The following VMP1 variants were observed in gnomAD, a reference collection of about 807,000 sequenced individuals.
The protein encoded by VMP1 is vacuole membrane protein 1, also known as ectopic P-granules autophagy protein 3 homolog.
VMP1 carries 11 observed loss-of-function variants against 56.0 expected under a neutral mutation model. The observed-to-expected ratio is 0.20, with a 90% CI of 0.12 to 0.32. The LOEUF (loss-of-function observed/expected upper bound fraction) is 0.32, where lower values mean the gene tolerates loss of function less well. VMP1 is among the 10% of genes least tolerant of loss of function. The probability of loss-of-function intolerance (pLI) is 1.00; values close to 1 mark genes in which losing one functional copy is unlikely to be tolerated. For synonymous variants in VMP1, 149 were observed against 165.0 expected (o/e 0.90, Z 0.74); for missense variants, 296 against 490.3 (o/e 0.60, Z 3.74).
At position 59,735,451 on chromosome 17, in the gene VMP1, A is replaced by G. The variant is rs1401772737; in HGVS notation, c.190A>G (p.Ile64Val). ...LQYFSLEILVILKEWTSKLWH... is the reference protein window; with the variant it reads ...LQYFSLEILVVLKEWTSKLWH... Reference sequence around the variant, plus strand: ...GTATTTTTCTCTGGAAATCCTTGTAATCTTGAAGGAATGGACCTCAAAGTA... The same window carrying G: ...GTATTTTTCTCTGGAAATCCTTGTAGTCTTGAAGGAATGGACCTCAAAGTA... Residue 64 changes from isoleucine (I) to valine (V), a missense_variant, in exon 3 of 12, where the codon ATC (isoleucine) becomes GTC (valine). Coordinates refer to ENST00000262291, the MANE Select transcript of VMP1 (RefSeq NM_030938.5). 1 of 1,613,980 alleles carries G rather than the reference A, an allele frequency of 6.2e-7. No homozygotes were observed. Among genetic ancestry groups the G allele is most frequent in the Non-Finnish European group, 8.5e-7 (1 of 1,179,990 alleles).
At chr17:59,788,214 C>T (rs747576122) in intron 7 of VMP1, among the ~76,000 whole-genome samples, 2 of 152,078 alleles carry the variant, frequency 1.3e-5, no homozygotes, top group Non-Finnish European at 1.5e-5. Flanking sequence ...TTGGGCTTGG[C>T]GCGTTGGCTC....
chr17:59,795,285 T>C (rs1163481137), intron 7 of VMP1, among the ~76,000 whole-genome samples: 1 of 151,042 alleles, frequency 6.6e-6, no homozygotes, highest in Admixed American at 6.6e-5. Flanking sequence ...GAGTTTTGTA[T>C]TTTTAGTAGA....
In VMP1 at chr17:59,740,336, A is replaced by G. The variant is rs10515172; in HGVS notation, c.414+1389A>G. 4.5e-3 allele frequency among the ~76,000 whole-genome samples: 681 copies of G among 152,274 alleles called. 16 individuals carry two copies. The highest frequency in any genetic ancestry group is 0.037 in the Admixed American group (572 of 15,272). ...TGTCCCTAGATAATAAATTGAAAAC[A>G]CTTCCATATTTGAAAGCAGTTTGAT... On this transcript the variant is annotated intron_variant, in intron 5 of 11. Coordinates refer to ENST00000262291, the MANE Select transcript of VMP1 (RefSeq NM_030938.5).
chr17:59,771,733 A>C (rs949575628), intron 6 of VMP1, among the ~76,000 whole-genome samples: 5 of 150,506 alleles, frequency 3.3e-5, no homozygotes, highest in Non-Finnish European at 7.4e-5. Context: ...CAGCCTCCCA[A>C]GTAACTGGGA....
intron 10 of VMP1, among the ~76,000 whole-genome samples, chr17:59,821,714 G>A (rs897799426): frequency 2.0e-5 from 3 of 151,810 alleles, no homozygotes; most frequent in Non-Finnish European, 2.9e-5. Context: ...CATCATGCCC[G>A]GCTAATTTTT....
chr17:59,807,579 T>C (rs924860057), intron 7 of VMP1, among the ~76,000 whole-genome samples: 8 of 151,984 alleles, frequency 5.3e-5, no homozygotes, highest in African/African-American at 1.9e-4. Flanking sequence ...ATGCCTGTAA[T>C]CTTGGCACTT....
At chr17:59,824,642 G>GCAGATGGATTGGTTGAATTCTCAGGAATT (rs2038578678) in intron 10 of VMP1, among the ~76,000 whole-genome samples, 1 of 150,236 alleles carries the variant, frequency 6.7e-6, no homozygotes, top group African/African-American at 2.5e-5. Flanking sequence ...GGAGGCCGAG[G>GCAGATGGATTGGTTGAATTCTCAGGAATT]TGGGCGGATC....
At position 59,715,013 on chromosome 17, in the gene VMP1, C is replaced by T. The variant is rs2034098043; in HGVS notation, c.-27+7265C>T. 3.9e-5 allele frequency among the ~76,000 whole-genome samples: 6 copies of T among 152,268 alleles called. No individual in the cohort carries two copies. In the South Asian group the frequency reaches 1.2e-3, roughly 32 times the overall value. On this transcript the variant is annotated intron_variant, in intron 1 of 11. Transcript: ENST00000262291. ...TGTATTCTCTATTCTTTTCCATTGG[C>T]TTCTAACTATCCTTTTACCAATATC...
At position 59,752,897 on chromosome 17, in the gene VMP1, A is replaced by G. The variant is rs1335859357; in HGVS notation, c.415-12074A>G. Among the ~76,000 whole-genome samples the G allele has an allele frequency of 2.0e-5, 3 of 152,190 alleles. No individual in the cohort carries two copies. In the East Asian group the frequency reaches 5.8e-4, roughly 29 times the overall value. ...GATAAACATGTTAATTTGCTTTACT[A>G]TAGTATAACCATTTTGTTATCTGTA... On this transcript the variant is annotated intron_variant, in intron 5 of 11. Transcript: ENST00000262291.
intron 5 of VMP1, among the ~76,000 whole-genome samples, chr17:59,760,405 A>G (rs943921329): frequency 6.6e-6 from 1 of 151,994 alleles, no homozygotes; most frequent in Non-Finnish European, 1.5e-5. Flanking sequence ...CCAGATTCAC[A>G]GGTATTTTTT....
At chr17:59,817,610 TA>T in intron 9 of VMP1, 101 bp from the exon 10 acceptor site, 1 of 752,076 alleles carries the variant, frequency 1.3e-6, no homozygotes, top group South Asian at 1.7e-5. Flanking sequence ...AAATTGCAAT[TA>T]GGGGCACAAT....
chr17:59,834,256 CTTGTTT>C (rs750139786), intron 10 of VMP1, among the ~76,000 whole-genome samples: 42 of 151,956 alleles, frequency 2.8e-4, no homozygotes, highest in African/African-American at 8.4e-4. Context: ...CGCACCCAGC[CTTGTTT>C]TTGTTTTTGT....
intron 1 of VMP1, among the ~76,000 whole-genome samples, chr17:59,727,800 A>G (rs553003043): frequency 6.6e-6 from 1 of 152,218 alleles, no homozygotes; most frequent in African/African-American, 2.4e-5. Flanking sequence ...CAACAAACAT[A>G]CACATGCATA....
chr17:59,840,185 T>C lies in VMP1; in HGVS notation c.*274T>C. On this transcript the variant is annotated 3_prime_UTR_variant, in exon 12 of 12. Coordinates refer to ENST00000262291, the MANE Select transcript of VMP1 (RefSeq NM_030938.5). ...TTGCAACAGACTGGCCTTCTGTTTGTTACTTTCAAAAGGCCCACATGATAC... is the reference window on the plus strand; with the variant it reads ...TTGCAACAGACTGGCCTTCTGTTTGCTACTTTCAAAAGGCCCACATGATAC... The C allele has an allele frequency of 2.7e-6, 1 of 368,940 alleles. No individual in the cohort carries two copies. Among genetic ancestry groups the C allele is most frequent in the Non-Finnish European group, 4.9e-6 (1 of 205,252 alleles). 22.9% of individuals were successfully genotyped at this position (368,940 alleles called of 1,614,324 possible).
intron 10 of VMP1, among the ~76,000 whole-genome samples, chr17:59,833,139 A>G (rs1327357559): frequency 1.3e-5 from 2 of 152,150 alleles, no homozygotes; most frequent in South Asian, 4.1e-4. Context: ...ATTAATCTTA[A>G]GTGTCAGAAT....
At chr17:59,748,487 C>T (rs2035516952) in intron 5 of VMP1, among the ~76,000 whole-genome samples, 1 of 152,104 alleles carries the variant, frequency 6.6e-6, no homozygotes, top group South Asian at 2.1e-4. Context: ...TGATATTTGG[C>T]AAATTTCTTA....
intron 5 of VMP1, among the ~76,000 whole-genome samples, chr17:59,760,355 T>C (rs1388112145): frequency 2.6e-5 from 4 of 152,154 alleles, no homozygotes; most frequent in African/African-American, 9.7e-5. Context: ...CACAGTACTG[T>C]TTTGAAATAT....
chr17:59,831,830 CAA>C (rs938293959), intron 10 of VMP1, among the ~76,000 whole-genome samples: 17 of 148,572 alleles, frequency 1.1e-4, no homozygotes, highest in African/African-American at 4.2e-4. Flanking sequence ...TTAACAATAA[CAA>C]AAGTGTAAAA....
chr17:59,773,912 A>C (rs760052315), intron 7 of VMP1, 27 bp downstream of exon 7: 3 of 1,571,638 alleles, frequency 1.9e-6, no homozygotes, highest in Non-Finnish European at 2.6e-6. Context: ...TAGAAAATAG[A>C]ACACTTTACT....
Sources: allele counts gnomAD v4.1 joint callset (sites outside exome capture counted in the v4.1 genomes callset), GRCh38; gene constraint gnomAD v4.1.1; transcripts MANE v1.5; gene names NCBI Gene and HGNC (gene_info 2026-07-23, HGNC 2026-07-21).